DOCK10: variants seen among roughly 807,000 people sequenced by gnomAD.
The protein encoded by DOCK10 is dedicator of cytokinesis protein 10.
DOCK10 carries 145 observed loss-of-function variants against 280.1 expected under a neutral mutation model. The observed-to-expected ratio is 0.52, with a 90% CI of 0.45 to 0.59. The LOEUF (loss-of-function observed/expected upper bound fraction) is 0.59. Ranked by LOEUF, DOCK10 falls within the 20% of genes least tolerant of loss-of-function variation. The probability of loss-of-function intolerance (pLI) is 0.00; values close to 1 mark genes in which losing one functional copy is unlikely to be tolerated. For synonymous variants in DOCK10, 915 were observed against 942.2 expected (o/e 0.97, Z 0.53); for missense variants, 2,368 against 2,651.7 (o/e 0.89, Z 2.35).
intron 3 of DOCK10, among the ~76,000 whole-genome samples, chr2:224,907,469 C>T (rs1029278284): frequency 2.2e-4 from 34 of 152,064 alleles, no homozygotes; most frequent in Non-Finnish European, 4.1e-4. Flanking sequence ...GGGCAGATCA[C>T]GAGGTCAGGA....
At chr2:224,946,071 C>G (rs1703399202) in intron 1 of DOCK10, among the ~76,000 whole-genome samples, 1 of 152,162 alleles carries the variant, frequency 6.6e-6, no homozygotes, top group Admixed American at 6.5e-5. Context: ...TTGCCGCAAC[C>G]ATTTAACATA....
At chr2:224,823,706 A>G in intron 27 of DOCK10, 59 bp from the exon 28 acceptor site, 1 of 1,442,558 alleles carries the variant, frequency 6.9e-7, no homozygotes, top group Non-Finnish European at 9.2e-7. Context: ...AAGCCGAGGA[A>G]GTATCAACTG....
At chr2:224,946,594 T>C (rs192733197) in intron 1 of DOCK10, among the ~76,000 whole-genome samples, 1 of 152,188 alleles carries the variant, frequency 6.6e-6, no homozygotes, top group Non-Finnish European at 1.5e-5. Flanking sequence ...ATTCCAAATA[T>C]TATAGTAATG....
intron 1 of DOCK10, among the ~76,000 whole-genome samples, chr2:224,993,849 T>C (rs555840566): frequency 1.3e-5 from 2 of 152,274 alleles, no homozygotes; most frequent in East Asian, 3.9e-4. Context: ...TGTTTCTACC[T>C]TGAAAAACCC....
rs1691773063 is a variant in DOCK10 at position 224,786,971 on chromosome 2, A to G, written c.5655+51T>C. On this transcript the variant is annotated intron_variant, in intron 50 of 55. Transcript: ENST00000258390. The surrounding 1 kb of genome is among the most constrained non-coding windows in gnomAD (Gnocchi z 4.7). ...TGTCTCATAAAGAATGAAAGACAAC[A>G]TTCAACTGCTCAGCAGAATTTATGG... 7.4e-7 allele frequency: 1 copy of G among 1,344,152 alleles called. No homozygotes were observed. The highest frequency in any genetic ancestry group is 1.7e-5 in the Admixed American group (1 of 59,648). 83.3% of individuals were successfully genotyped at this position (1,344,152 alleles called of 1,614,324 possible). A position where few individuals can be genotyped will look rare whatever the true frequency, so the allele number is the denominator to read the frequency against.
intron 38 of DOCK10, 144 bp downstream of exon 38, chr2:224,804,650 G>T: frequency 1.7e-6 from 1 of 600,896 alleles, no homozygotes; most frequent in Non-Finnish European, 2.9e-6. Context: ...CAAACTTACT[G>T]TGTCTAATGT....
chr2:224,864,710 G>T (rs751265680), intron 12 of DOCK10, 35 bp from the exon 13 acceptor site: 1 of 1,592,440 alleles, frequency 6.3e-7, no homozygotes, highest in Non-Finnish European at 8.5e-7. Context: ...AAGCATGGAA[G>T]AAACCACATT....
chr2:224,805,138 C>A lies in DOCK10; in HGVS notation c.4052-14G>T, dbSNP rs1371064063. ...CAATCAGAGTCTCTAAAAGGAAACA[C>A]CAGGTAGTATGAGAATCTGAAGGTT... On this transcript the variant is annotated splice_polypyrimidine_tract_variant and intron_variant, in intron 36 of 55. Transcript: ENST00000258390. The surrounding 1 kb of genome is among the most constrained non-coding windows in gnomAD (Gnocchi z 4.3). The A allele has an allele frequency of 1.2e-6, 2 of 1,609,016 alleles. No individual in the cohort carries two copies. The highest frequency in any genetic ancestry group is 4.5e-5 in the East Asian group (2 of 44,824).
intron 1 of DOCK10, among the ~76,000 whole-genome samples, chr2:224,948,958 A>C (rs1703579626): frequency 6.6e-6 from 1 of 152,136 alleles, no homozygotes; most frequent in Non-Finnish European, 1.5e-5. Context: ...AGTTCCTCCC[A>C]CTTTTCAACT....
chr2:224,814,841 G>C (rs1574867714), intron 30 of DOCK10, among the ~76,000 whole-genome samples: 1 of 152,320 alleles, frequency 6.6e-6, no homozygotes, highest in East Asian at 1.9e-4. Context: ...TCTTAAAAAA[G>C]AGGGTCATGA....
chr2:225,017,959 C>T (rs1689662457), intron 1 of DOCK10, among the ~76,000 whole-genome samples: 1 of 152,126 alleles, frequency 6.6e-6, no homozygotes, highest in Non-Finnish European at 1.5e-5. Flanking sequence ...GGTTGCCAGC[C>T]CCCATTCCCT....
intron 1 of DOCK10, among the ~76,000 whole-genome samples, chr2:225,021,778 G>T (rs1050030745): frequency 1.3e-5 from 2 of 152,174 alleles, no homozygotes; most frequent in African/African-American, 4.8e-5. Context: ...AACAATTTGA[G>T]TGTTGGCATT....
chr2:224,889,732 C>T (rs1342524709), intron 4 of DOCK10, among the ~76,000 whole-genome samples: 2 of 152,172 alleles, frequency 1.3e-5, no homozygotes, highest in Non-Finnish European at 1.5e-5. Context: ...ATTCTTGCTA[C>T]CCCACCAAAA....
intron 25 of DOCK10, among the ~76,000 whole-genome samples, chr2:224,835,543 A>C (rs537961719): frequency 6.6e-6 from 1 of 152,368 alleles, no homozygotes; most frequent in Admixed American, 6.5e-5. Flanking sequence ...ATTGTATTGA[A>C]TATCACATCT....
At chr2:224,886,268 T>C (rs1418889178) in intron 5 of DOCK10, 83 bp from the exon 6 acceptor site, 1 of 1,567,570 alleles carries the variant, frequency 6.4e-7, no homozygotes, top group Non-Finnish European at 8.7e-7. Context: ...GAGACTCCTC[T>C]TCCTCTCTTT....
chr2:224,801,886 A>G (rs1193371211), intron 40 of DOCK10, 30 bp downstream of exon 40: 2 of 1,609,924 alleles, frequency 1.2e-6, no homozygotes, highest in African/African-American at 2.7e-5. Context: ...ACTGGTAACC[A>G]TCTTGTTCCT....
chr2:224,886,485 C>A lies in DOCK10; in HGVS notation c.463G>T (p.Asp155Tyr). ...EKLPSHSFEI[D>Y]HEDADKDEDT... ...TCATCCTTATCAGCATCTTCATGGT[C>A]AATCTCAAAGGAATGTGAAGGAAGC... The change falls in exon 5 of 56, where the codon GAC (aspartate) becomes TAC (tyrosine). Residue 155 changes from aspartate (D) to tyrosine (Y), a missense_variant. This residue lies in a region of DOCK10 where 1,209 missense variants were observed against 1,250.9 expected (regional missense o/e 0.97). Coordinates refer to ENST00000258390, the MANE Select transcript of DOCK10 (RefSeq NM_014689.3). The A allele has an allele frequency of 6.2e-7, 1 of 1,610,426 alleles. No homozygotes were observed. Among genetic ancestry groups the A allele is most frequent in the South Asian group, 1.1e-5 (1 of 90,942 alleles).
chr2:224,942,458 T>G (rs1703149504), intron 1 of DOCK10, among the ~76,000 whole-genome samples: 1 of 152,250 alleles, frequency 6.6e-6, no homozygotes, highest in South Asian at 2.1e-4. Context: ...CTTGTTTCAT[T>G]GTTCCTAGAA....
At chr2:224,952,691 C>T (rs866073893) in intron 1 of DOCK10, among the ~76,000 whole-genome samples, 5 of 149,070 alleles carry the variant, frequency 3.4e-5, no homozygotes, top group Non-Finnish European at 5.9e-5. Flanking sequence ...CTCCCGGGTT[C>T]ACGCCATTCT....
Sources: gnomAD v4.1 joint callset for allele counts (sites outside exome capture counted in the v4.1 genomes callset) on GRCh38, gnomAD v4.1.1 for gene constraint, gnomAD v4.1.1 regional missense constraint, Gnocchi (gnomAD v3.1) non-coding constraint, MANE v1.5 for transcripts, NCBI Gene and HGNC (gene_info 2026-07-23, HGNC 2026-07-21) for gene names.